PRKCI: variants seen among roughly 807,000 people sequenced by gnomAD.
The protein encoded by PRKCI is protein kinase C iota.
Under a neutral mutation model 84.0 loss-of-function variants are expected in PRKCI, and 43 were observed. The ratio of observed to expected loss-of-function variants is 0.51; its 90% confidence interval spans 0.40 to 0.66. The LOEUF is 0.66. Among genes scored for constraint, PRKCI ranks in the 30% least tolerant of loss-of-function variants. PRKCI has a pLI of 0.00. For synonymous variants in PRKCI, 216 were observed against 234.4 expected (o/e 0.92, Z 0.72); for missense variants, 459 against 745.6 (o/e 0.62, Z 4.48).
intron 8 of PRKCI, among the ~76,000 whole-genome samples, chr3:170,275,908 C>T (rs1734101899): frequency 6.7e-6 from 1 of 149,878 alleles, no homozygotes; most frequent in Admixed American, 6.6e-5. Context: ...TTAGTTCACA[C>T]TGCCTCCTCT....
In PRKCI at chr3:170,296,009, A is replaced by G. The variant is rs747111332; in HGVS notation, c.1497+19A>G. 7.1e-7 allele frequency: 1 copy of G among 1,401,046 alleles called. No homozygotes were observed. Among genetic ancestry groups the G allele is most frequent in the Admixed American group, 2.0e-5 (1 of 49,276 alleles). 86.8% of individuals were successfully genotyped at this position (1,401,046 alleles called of 1,614,324 possible). A position where few individuals can be genotyped will look rare whatever the true frequency, so the allele number is the denominator to read the frequency against. ...TAATAAGGTATAAATTGTGTATAAG[A>G]ATATTTTGTGATTTGTCTCTTTCTA... is the stretch of plus-strand genomic sequence containing the variant. On this transcript the variant is annotated intron_variant, in intron 15 of 17. Coordinates refer to ENST00000295797, the MANE Select transcript of PRKCI (RefSeq NM_002740.6).
At chr3:170,296,104 T>A in intron 15 of PRKCI, 114 bp downstream of exon 15, 1 of 532,800 alleles carries the variant, frequency 1.9e-6, no homozygotes. Context: ...TGTAACTTTT[T>A]CAGTTTGACC....
chr3:170,276,267 C>T (rs1321422797), intron 8 of PRKCI, among the ~76,000 whole-genome samples: 1 of 151,930 alleles, frequency 6.6e-6, no homozygotes, highest in Non-Finnish European at 1.5e-5. Flanking sequence ...TAAAAGTAAA[C>T]AATAATATAA....
In PRKCI at chr3:170,267,906, T is replaced by C; in HGVS notation, c.365-9T>C. 6.4e-7 allele frequency: 1 copy of C among 1,574,578 alleles called. No homozygotes were observed. The highest frequency in any genetic ancestry group is 8.6e-7 in the Non-Finnish European group (1 of 1,158,266). On this transcript the variant is annotated splice_polypyrimidine_tract_variant and intron_variant, in intron 4 of 17. Coordinates refer to ENST00000295797, the MANE Select transcript of PRKCI (RefSeq NM_002740.6). ...TTTTTTCTTTTTTTAACTATTACTCTGTCTTCAGAATCCATCTACCGTAGA... is the reference window on the plus strand; with the variant it reads ...TTTTTTCTTTTTTTAACTATTACTCCGTCTTCAGAATCCATCTACCGTAGA...
chr3:170,270,637 A>C (rs1364210563), intron 6 of PRKCI, 76 bp downstream of exon 6: 1 of 1,456,482 alleles, frequency 6.9e-7, no homozygotes, highest in Non-Finnish European at 9.2e-7. Context: ...GAGTGCTAAA[A>C]TAGGGAGGTG....
intron 12 of PRKCI, 74 bp from the exon 13 acceptor site, chr3:170,291,780 A>ACC (rs1734559271): frequency 6.2e-6 from 7 of 1,130,568 alleles, no homozygotes; most frequent in Non-Finnish European, 9.4e-6. Flanking sequence ...CTTATATGAT[A>ACC]GGTGAAATAG....
chr3:170,237,563 T>C (rs762528796), intron 2 of PRKCI, among the ~76,000 whole-genome samples: 2 of 152,210 alleles, frequency 1.3e-5, no homozygotes, highest in Non-Finnish European at 2.9e-5. Flanking sequence ...ACCCTAAATA[T>C]ACTACTTTTT....
At chr3:170,238,463 TC>T (rs1733037265) in intron 2 of PRKCI, among the ~76,000 whole-genome samples, 2 of 131,660 alleles carry the variant, frequency 1.5e-5, no homozygotes, top group South Asian at 2.3e-4. Context: ...GCATCATTAC[TC>T]TTTTTTTTTT....
In PRKCI at chr3:170,299,195, T is replaced by A. The variant is rs921569699; in HGVS notation, c.1703+85T>A. 7 of 617,222 alleles carry A rather than the reference T, an allele frequency of 1.1e-5. No individual in the cohort carries two copies. The African/African-American group carries it at 1.2e-4, about 10-fold the overall frequency. The allele number at this position is 617,222 out of a possible 1,614,324, so 38.2% of individuals were successfully genotyped here. A position where few individuals can be genotyped will look rare whatever the true frequency, so the allele number is the denominator to read the frequency against. ...GACTATGCAATGTTTCATTATCAGA[T>A]TATACTATAATTTTTTTATTTTCTA... On this transcript the variant is annotated intron_variant, in intron 17 of 17. Coordinates refer to ENST00000295797, the MANE Select transcript of PRKCI (RefSeq NM_002740.6).
At chr3:170,266,867 C>T (rs532322882) in intron 4 of PRKCI, among the ~76,000 whole-genome samples, 3 of 152,262 alleles carry the variant, frequency 2.0e-5, no homozygotes, top group South Asian at 4.1e-4. Context: ...GTGGTGTGTA[C>T]CTGCAATCCC....
chr3:170,239,251 T>C (rs912709775), intron 2 of PRKCI, among the ~76,000 whole-genome samples: 1 of 152,226 alleles, frequency 6.6e-6, no homozygotes, highest in African/African-American at 2.4e-5. Context: ...TGAGTATCTT[T>C]ATCTTTTTGA....
chr3:170,242,317 C>G (rs1386097962), intron 2 of PRKCI, among the ~76,000 whole-genome samples: 1 of 151,958 alleles, frequency 6.6e-6, no homozygotes, highest in Non-Finnish European at 1.5e-5. Flanking sequence ...GGGCTCATGC[C>G]TGTAATTCCA....
At chr3:170,230,153 T>C (rs1411441233) in intron 1 of PRKCI, among the ~76,000 whole-genome samples, 8 of 151,864 alleles carry the variant, frequency 5.3e-5, no homozygotes, top group Non-Finnish European at 7.4e-5. Context: ...CTATTTTTCT[T>C]CTATTATGCA....
Position 170,222,687 on chromosome 3 carries a change from C to T in PRKCI, c.18C>T (p.Asp6=), listed in dbSNP as rs1732519370. 17 of 1,604,630 alleles carry T rather than the reference C, an allele frequency of 1.1e-5. No homozygotes were observed. Among genetic ancestry groups the T allele is most frequent in the Non-Finnish European group, 1.3e-5 (15 of 1,176,568 alleles). The change falls in exon 1 of 18, where the codon GAC becomes GAT. Residue 6 remains aspartate, a synonymous_variant. Transcript: ENST00000295797. Reference sequence around the variant, plus strand: ...GTGAGGAGATGCCGACCCAGAGGGACAGCAGCACCATGTCCCACACGGTCG... The same window carrying T: ...GTGAGGAGATGCCGACCCAGAGGGATAGCAGCACCATGTCCCACACGGTCG... MPTQR[D]SSTMSHTVAG...
At position 170,291,881 on chromosome 3, in the gene PRKCI, A is replaced by G. The variant is rs1560185295; in HGVS notation, c.1231A>G (p.Ser411Gly). ...KEGLRPGDTT[S>G]TFCGTPNYIA... ...AGGATTACGGCCAGGAGATACAACC[A>G]GCACTTTCTGTGGTACTCCTAATTA... The change falls in exon 13 of 18, where the codon AGC becomes GGC. Residue 411 changes from serine (S) to glycine (G), a missense_variant. Coordinates refer to ENST00000295797, the MANE Select transcript of PRKCI (RefSeq NM_002740.6). 1.2e-6 allele frequency: 2 copies of G among 1,606,560 alleles called. No homozygotes were observed. The highest frequency in any genetic ancestry group is 1.7e-6 in the Non-Finnish European group (2 of 1,173,174).
chr3:170,282,405 C>T (rs747511938), intron 11 of PRKCI, among the ~76,000 whole-genome samples: 35 of 152,006 alleles, frequency 2.3e-4, no homozygotes, highest in Non-Finnish European at 4.6e-4. Context: ...AGTAATTAAA[C>T]GATCCCTCTG....
At chr3:170,299,575 G>A (rs1734772431) in intron 17 of PRKCI, among the ~76,000 whole-genome samples, 1 of 152,186 alleles carries the variant, frequency 6.6e-6, no homozygotes, top group South Asian at 2.1e-4. Context: ...TGTATCTACT[G>A]TACCATTATA....
chr3:170,299,923 C>T (rs1734783360), intron 17 of PRKCI, among the ~76,000 whole-genome samples: 1 of 152,054 alleles, frequency 6.6e-6, no homozygotes, highest in Non-Finnish European at 1.5e-5. Flanking sequence ...TGCCAAATTG[C>T]TTTTTTTAAG....
intron 12 of PRKCI, among the ~76,000 whole-genome samples, chr3:170,286,163 G>T (rs1734384089): frequency 6.6e-6 from 1 of 151,844 alleles, no homozygotes; most frequent in Non-Finnish European, 1.5e-5. Context: ...CTGACCTCAG[G>T]TGATCCACCC....
Sources: allele counts gnomAD v4.1 joint callset (sites outside exome capture counted in the v4.1 genomes callset), GRCh38; gene constraint gnomAD v4.1.1; transcripts MANE v1.5; gene names NCBI Gene and HGNC (gene_info 2026-07-23, HGNC 2026-07-21).